Variants in TRPV4 observed in about 807,000 individuals in gnomAD.
TRPV4 encodes OSM9-like transient receptor potential channel 4.
Under a neutral mutation model 84.1 loss-of-function variants are expected in TRPV4, and 58 were observed. The observed-to-expected ratio is 0.69, with a 90% CI of 0.56 to 0.86. The LOEUF is 0.86. Ranked by LOEUF, TRPV4 falls within the 40% of genes least tolerant of loss-of-function variation. The pLI is 0.00. For synonymous variants in TRPV4, 489 were observed against 500.9 expected (o/e 0.98, Z 0.32); for missense variants, 879 against 1,181.1 (o/e 0.74, Z 3.75).
chr12:109,811,585 G>A (rs1891516890), intron 2 of TRPV4, among the ~76,000 whole-genome samples: 1 of 151,964 alleles, frequency 6.6e-6, no homozygotes, highest in African/African-American at 2.4e-5. Flanking sequence ...TTGAACCTGG[G>A]AGGTGGAGGT....
In TRPV4 at chr12:109,796,930, G is replaced by A. The variant is rs1028574461; in HGVS notation, c.1153-226C>T. Among the ~76,000 whole-genome samples the A allele has an allele frequency of 6.6e-6, 1 of 152,204 alleles. No homozygotes were observed. Among genetic ancestry groups the A allele is most frequent in the Admixed American group, 6.5e-5 (1 of 15,282 alleles). On this transcript the variant is annotated intron_variant, in intron 6 of 15. Coordinates refer to ENST00000261740, the MANE Select transcript of TRPV4 (RefSeq NM_021625.5). This position sits in a 1 kb window ranked among gnomAD's most constrained non-coding sequence, Gnocchi z 4.2. ...CAGAAGCCACTTAACCAGTCAGCTG[G>A]AGCCAGACAGAACCTGGATGAGCCT...
rs55728855 is a variant in TRPV4, at chr12:109,783,719, C to T, written c.2518G>A (p.Glu840Lys). 0.01 allele frequency: 16,225 copies of T among 1,613,748 alleles called. 104 individuals carry two copies. The highest frequency in any genetic ancestry group is 0.012 in the Non-Finnish European group (14,136 of 1,180,004). ...VELNKNSNPD[E>K]VVVPLDSMGN... is the part of the protein sequence containing the mutation. The stretch of plus-strand genomic sequence containing the variant: ...ATGCTGTCCAGAGGCACCACCACCT[C>T]GTCCGGGTTCGAGTTCTTGTTCAGT... Residue 840 changes from glutamate to lysine, a missense_variant, in exon 16 of 16, where the codon GAG becomes AAG. Around this residue, in one of 4 missense-constraint regions of TRPV4, gnomAD observed 242 missense variants for 355.3 expected, o/e 0.68. Transcript: ENST00000261740. The surrounding 1 kb of genome is among the most constrained non-coding windows in gnomAD (Gnocchi z 4.6).
chr12:109,794,177 A>G, intron 8 of TRPV4, 152 bp downstream of exon 8: 1 of 1,154,732 alleles, frequency 8.7e-7, no homozygotes, highest in Admixed American at 2.0e-5. Context: ...GCTCAGGGCC[A>G]CCCGTGGATG....
At position 109,792,430 on chromosome 12, in the gene TRPV4, C is replaced by T. The variant is rs1324850054; in HGVS notation, c.1825-1G>A. Reference sequence around the variant, plus strand: ...ATCGGAAAAGGTCCTTGAAGAGAATCTAAAGACCCCAGCGGGATTATGGAG... The same window carrying T: ...ATCGGAAAAGGTCCTTGAAGAGAATTTAAAGACCCCAGCGGGATTATGGAG... On this transcript the variant is annotated splice_acceptor_variant, in intron 11 of 15. Transcript: ENST00000261740. LOFTEE classifies it high-confidence loss of function. The T allele has an allele frequency of 6.2e-7, 1 of 1,613,866 alleles. No individual in the cohort carries two copies. The highest frequency in any genetic ancestry group is 8.5e-7 in the Non-Finnish European group (1 of 1,179,970).
At chr12:109,823,068 G>A (rs1174586429) in intron 1 of TRPV4, among the ~76,000 whole-genome samples, 1 of 152,198 alleles carries the variant, frequency 6.6e-6, no homozygotes, top group Non-Finnish European at 1.5e-5. Flanking sequence ...ACAGCCGGCT[G>A]GGAGCTCAAC....
rs2136441439 is a variant in TRPV4, at chr12:109,788,535, G to A, written c.2073C>T (p.Tyr691=). The change falls in exon 13 of 16, where the codon TAC becomes TAT. Residue 691 remains tyrosine, a synonymous_variant. Transcript: ENST00000261740. ...GDLEMLSSTK[Y]PVVFIILLVT... is the part of the protein sequence containing the mutation. ...CCAGCAGGATGATGAAGACCACGGG[G>A]TACTTGGTGCTGCTCAGCATCTCCA... 1.2e-6 allele frequency: 2 copies of A among 1,614,254 alleles called. No individual in the cohort carries two copies. Among genetic ancestry groups the A allele is most frequent in the Middle Eastern group, 1.6e-4 (1 of 6,062 alleles).
chr12:109,794,319 G>A lies in TRPV4; in HGVS notation c.1491+10C>T, dbSNP rs201815805. ...CTGCCCCAGCCCCTGCCCGGTCCCC[G>A]GGCACTCACTGTGCCCTCCAGCGGC... On this transcript the variant is annotated intron_variant, in intron 8 of 15. Coordinates refer to ENST00000261740, the MANE Select transcript of TRPV4 (RefSeq NM_021625.5). 4.2e-4 allele frequency: 675 copies of A among 1,610,956 alleles called. No homozygotes were observed. The highest frequency in any genetic ancestry group is 5.4e-4 in the Non-Finnish European group (633 of 1,179,926).
Position 109,783,608 on chromosome 12 carries a change from T to C in TRPV4, c.*13A>G, listed in dbSNP as rs1230508971. ...AATGAGTGGGCAGAGAAGCTGGGGCTGGGCTGCAGTCCCTAGAGCGGGGCG... is the reference window on the plus strand; with the variant it reads ...AATGAGTGGGCAGAGAAGCTGGGGCCGGGCTGCAGTCCCTAGAGCGGGGCG... On this transcript the variant is annotated 3_prime_UTR_variant, in exon 16 of 16. Coordinates refer to ENST00000261740, the MANE Select transcript of TRPV4 (RefSeq NM_021625.5). The surrounding 1 kb of genome is among the most constrained non-coding windows in gnomAD (Gnocchi z 4.6). 19 of 1,610,762 alleles carry C rather than the reference T, an allele frequency of 1.2e-5. No homozygotes were observed. The highest frequency in any genetic ancestry group is 1.4e-5 in the Non-Finnish European group (16 of 1,177,848).
At chr12:109,785,197 A>C (rs932847575) in intron 14 of TRPV4, among the ~76,000 whole-genome samples, 19 of 150,776 alleles carry the variant, frequency 1.3e-4, no homozygotes, top group African/African-American at 4.4e-4. Context: ...AATTTTTTAA[A>C]AACGTTTTGT....
Position 109,788,591 on chromosome 12 carries a change from G to C in TRPV4, c.2017C>G (p.Leu673Val). Residue 673 changes from leucine (L) to valine (V), a missense_variant, in exon 13 of 16, where the codon CTG becomes GTG. Physicochemically the swap from Leu to Val is conservative, Grantham distance 32. This residue lies in a region of TRPV4 where 242 missense variants were observed against 355.3 expected (regional missense o/e 0.68). Coordinates refer to ENST00000261740, the MANE Select transcript of TRPV4 (RefSeq NM_021625.5). ...CCCATGCCGATGGTCAGCTTAAACA[G>C]GTCCAGGAGGAAGGTGCTGAAGGTC... The part of the protein sequence containing the change: ...SETFSTFLLD[L>V]FKLTIGMGDL... 1 of 1,614,278 alleles carries C rather than the reference G, an allele frequency of 6.2e-7. No individual in the cohort carries two copies. The highest frequency in any genetic ancestry group is 1.1e-5 in the South Asian group (1 of 91,086).
intron 10 of TRPV4, 54 bp from the exon 11 acceptor site, chr12:109,792,871 G>A (rs1251071261): frequency 6.3e-7 from 1 of 1,592,270 alleles, no homozygotes; most frequent in Non-Finnish European, 8.6e-7. Context: ...GGACAATGAG[G>A]CTCTGGAGGG....
At position 109,815,535 on chromosome 12, in the gene TRPV4, A is replaced by G. The variant is rs1891804786; in HGVS notation, c.-31-708T>C. ...TGCACAAACTCTGCTCCCCAGTGCA[A>G]AGTGCTGATCCCTCCCTGCACCTTT... On this transcript the variant is annotated intron_variant, in intron 1 of 15. Transcript: ENST00000261740. The surrounding 1 kb of genome is among the most constrained non-coding windows in gnomAD (Gnocchi z 4.1). Among the ~76,000 whole-genome samples the G allele has an allele frequency of 1.3e-5, 2 of 152,152 alleles. No homozygotes were observed. Among genetic ancestry groups the G allele is most frequent in the South Asian group, 4.1e-4 (2 of 4,826 alleles).
In TRPV4 at chr12:109,800,624, A is replaced by T. The variant is rs200210023; in HGVS notation, c.847T>A (p.Tyr283Asn). ...CCACCAGGCCCCTCCTTACCAAAGTAGAAGTAGCCCCCCTCATCCTTGGGC... is the reference window on the plus strand; with the variant it reads ...CCACCAGGCCCCTCCTTACCAAAGTTGAAGTAGCCCCCCTCATCCTTGGGC... ...FQPKDEGGYF[Y>N]FGELPLSLAA... The change falls in exon 5 of 16, where the codon TAC becomes AAC. Residue 283 changes from tyrosine to asparagine, a missense_variant. Around this residue, in one of 4 missense-constraint regions of TRPV4, gnomAD observed 521 missense variants for 686.6 expected, o/e 0.76. Transcript: ENST00000261740. 162 of 1,614,168 alleles carry T rather than the reference A, an allele frequency of 1.0e-4. No individual in the cohort carries two copies. The highest frequency in any genetic ancestry group is 1.3e-4 in the Non-Finnish European group (157 of 1,180,026).
chr12:109,803,234 C>A, intron 3 of TRPV4, 91 bp from the exon 4 acceptor site: 1 of 1,480,054 alleles, frequency 6.8e-7, no homozygotes, highest in South Asian at 1.2e-5. Flanking sequence ...GGTAGGGGGT[C>A]AGATGTCCTG....
At position 109,786,666 on chromosome 12, in the gene TRPV4, G is replaced by T. The variant is rs1431059080; in HGVS notation, c.2336+44C>A. On this transcript the variant is annotated intron_variant, in intron 14 of 15. Transcript: ENST00000261740. This position sits in a 1 kb window ranked among gnomAD's most constrained non-coding sequence, Gnocchi z 4.5. Reference sequence around the variant, plus strand: ...GCAGCAGGGGCCCCGAGCCAGTGGGGACAGTTCCGCCCTGCCATCCTGGCC... The same window carrying T: ...GCAGCAGGGGCCCCGAGCCAGTGGGTACAGTTCCGCCCTGCCATCCTGGCC... 2 of 1,611,990 alleles carry T rather than the reference G, an allele frequency of 1.2e-6. No individual in the cohort carries two copies. The highest frequency in any genetic ancestry group is 1.7e-6 in the Non-Finnish European group (2 of 1,179,696).
Position 109,798,586 on chromosome 12 carries a change from T to G in TRPV4, c.1152+28A>C. On this transcript the variant is annotated intron_variant, in intron 6 of 15. Coordinates refer to ENST00000261740, the MANE Select transcript of TRPV4 (RefSeq NM_021625.5). The surrounding 1 kb of genome is among the most constrained non-coding windows in gnomAD (Gnocchi z 5.0). Reference sequence around the variant, plus strand: ...GTGCAGAGGGGTACGAGTAGGTGGATCAGCTGTGCCCCCAGCCGCACACTC... The same window carrying G: ...GTGCAGAGGGGTACGAGTAGGTGGAGCAGCTGTGCCCCCAGCCGCACACTC... The G allele has an allele frequency of 6.2e-7, 1 of 1,606,956 alleles. No homozygotes were observed. The highest frequency in any genetic ancestry group is 8.5e-7 in the Non-Finnish European group (1 of 1,179,876).
At chr12:109,825,084 G>A (rs1405512657) in intron 1 of TRPV4, among the ~76,000 whole-genome samples, 2 of 152,104 alleles carry the variant, frequency 1.3e-5, no homozygotes, top group South Asian at 2.1e-4. Context: ...GCTCACACCT[G>A]TAATCCCAAC....
At chr12:109,826,129 T>A (rs1345572302) in intron 1 of TRPV4, among the ~76,000 whole-genome samples, 3 of 152,052 alleles carry the variant, frequency 2.0e-5, no homozygotes, top group Admixed American at 6.5e-5. Flanking sequence ...GCTCAAGCAA[T>A]CCTCCCACCT....
chr12:109,827,170 G>A (rs940416086), intron 1 of TRPV4, among the ~76,000 whole-genome samples: 16 of 152,148 alleles, frequency 1.1e-4, no homozygotes, highest in Non-Finnish European at 2.2e-4. Flanking sequence ...GACAGCTTAC[G>A]GAGCACCTGC....
Sources: gnomAD v4.1 joint callset for allele counts (sites outside exome capture counted in the v4.1 genomes callset) on GRCh38, gnomAD v4.1.1 for gene constraint, gnomAD v4.1.1 regional missense constraint, Gnocchi (gnomAD v3.1) non-coding constraint, MANE v1.5 for transcripts, NCBI Gene and HGNC (gene_info 2026-07-23, HGNC 2026-07-21) for gene names.